CTNNA3: variants seen among roughly 807,000 people sequenced by gnomAD.
The protein encoded by CTNNA3 is catenin alpha-3.
Under a neutral mutation model 95.7 loss-of-function variants are expected in CTNNA3, and 76 were observed. That is an observed-to-expected ratio of 0.79 (90% CI 0.66 to 0.96). The LOEUF (loss-of-function observed/expected upper bound fraction) is 0.96, where lower values mean the gene tolerates loss of function less well. Among genes scored for constraint, CTNNA3 ranks in the 40% least tolerant of loss-of-function variants. The pLI is 0.00. For synonymous variants in CTNNA3, 431 were observed against 374.4 expected, an observed-to-expected ratio of 1.15 and a Z score of -1.74; for missense variants, 1,191 against 1,089.8, an observed-to-expected ratio of 1.09 and a Z score of -1.31.
At chr10:67,331,401 A>G (rs1331561439) in intron 5 of CTNNA3, among the ~76,000 whole-genome samples, 2 of 152,212 alleles carry the variant, frequency 1.3e-5, no homozygotes, top group African/African-American at 2.4e-5. Context: ...ACAGGGAATT[A>G]TCACAAAGAC....
chr10:66,572,047 T>C (rs1842881730), intron 10 of CTNNA3, among the ~76,000 whole-genome samples: 1 of 150,528 alleles, frequency 6.6e-6, no homozygotes, highest in African/African-American at 2.4e-5. Flanking sequence ...GGACATCTTT[T>C]CATTATGCTA....
chr10:67,311,864 T>A (rs1160979161), intron 5 of CTNNA3, among the ~76,000 whole-genome samples: 1 of 152,008 alleles, frequency 6.6e-6, no homozygotes, highest in Non-Finnish European at 1.5e-5. Flanking sequence ...TTTTTTCAAT[T>A]CATTTCCCCT....
intron 10 of CTNNA3, among the ~76,000 whole-genome samples, chr10:66,568,093 A>C (rs2132155704): frequency 6.6e-6 from 1 of 152,324 alleles, no homozygotes; most frequent in South Asian, 2.1e-4. Context: ...ATCAAGAAAA[A>C]GCAGGTAGTA....
At chr10:66,588,952 T>C (rs1233558355) in intron 10 of CTNNA3, among the ~76,000 whole-genome samples, 1 of 152,100 alleles carries the variant, frequency 6.6e-6, no homozygotes, top group Non-Finnish European at 1.5e-5. Context: ...AAAGTGCCTT[T>C]GGTTATAAAA....
intron 5 of CTNNA3, among the ~76,000 whole-genome samples, chr10:67,411,178 T>C (rs1019668095): frequency 6.6e-6 from 1 of 152,010 alleles, no homozygotes; most frequent in Non-Finnish European, 1.5e-5. Flanking sequence ...TACCTTAAAT[T>C]TCCAAAGACA....
intron 7 of CTNNA3, among the ~76,000 whole-genome samples, chr10:66,803,463 T>C (rs1486756940): frequency 6.6e-6 from 1 of 152,072 alleles, no homozygotes; most frequent in Admixed American, 6.6e-5. Flanking sequence ...TGTTCAATTC[T>C]GCACTGCATA....
At chr10:67,690,187 G>A (rs567291020) in intron 1 of CTNNA3, among the ~76,000 whole-genome samples, 33 of 152,152 alleles carry the variant, frequency 2.2e-4, no homozygotes, top group Admixed American at 2.0e-3. Context: ...TGAGTGTTAC[G>A]GCTCTTAAAG....
chr10:66,670,494 C>G (rs1846621923), intron 9 of CTNNA3, among the ~76,000 whole-genome samples: 1 of 152,098 alleles, frequency 6.6e-6, no homozygotes, highest in Non-Finnish European at 1.5e-5. Context: ...CTTCCTCCAT[C>G]TTAAAGGCAG....
chr10:66,453,445 A>G (rs1018092696), intron 11 of CTNNA3, among the ~76,000 whole-genome samples: 1 of 152,218 alleles, frequency 6.6e-6, no homozygotes, highest in African/African-American at 2.4e-5. Context: ...CAGGTAACTA[A>G]AGCCCCAGCT....
intron 5 of CTNNA3, among the ~76,000 whole-genome samples, chr10:67,483,612 G>C (rs1848327861): frequency 6.6e-6 from 1 of 151,224 alleles, no homozygotes; most frequent in African/African-American, 2.4e-5. Context: ...CTGTTGTGGG[G>C]TGGCGGGAGG....
intron 7 of CTNNA3, among the ~76,000 whole-genome samples, chr10:66,955,568 T>G (rs996107384): frequency 2.0e-5 from 3 of 152,158 alleles, no homozygotes; most frequent in Admixed American, 1.3e-4. Flanking sequence ...TCATTGCCTC[T>G]CATAACAGCT....
intron 15 of CTNNA3, among the ~76,000 whole-genome samples, chr10:66,053,554 C>A (rs1352916687): frequency 6.6e-6 from 1 of 151,904 alleles, no homozygotes; most frequent in Non-Finnish European, 1.5e-5. Context: ...ACTATAGTCA[C>A]CCTATTGTGC....
intron 7 of CTNNA3, among the ~76,000 whole-genome samples, chr10:67,047,732 C>CATTAA (rs1262777561): frequency 3.3e-5 from 5 of 152,116 alleles, no homozygotes; most frequent in East Asian, 3.9e-4. Context: ...AAAGCTATTA[C>CATTAA]ATTAAATTAA....
intron 10 of CTNNA3, among the ~76,000 whole-genome samples, chr10:66,561,232 C>T (rs972146770): frequency 3.9e-5 from 6 of 151,968 alleles, no homozygotes; most frequent in Non-Finnish European, 1.5e-5. Flanking sequence ...TATCAATGTA[C>T]TTCATCTTTA....
At chr10:67,072,999 A>T (rs1276712588) in intron 7 of CTNNA3, among the ~76,000 whole-genome samples, 1 of 152,146 alleles carries the variant, frequency 6.6e-6, no homozygotes, top group African/African-American at 2.4e-5. Flanking sequence ...TATCACTAAA[A>T]GTTTTGCTAA....
intron 5 of CTNNA3, among the ~76,000 whole-genome samples, chr10:67,289,777 T>C (rs191582284): frequency 1.8e-3 from 255 of 139,266 alleles, no homozygotes; most frequent in South Asian, 2.5e-3. Flanking sequence ...GATGGATGGA[T>C]GGACGGATGG....
At chr10:67,698,242 A>AG (rs1841003944), upstream of CTNNA3, among the ~76,000 whole-genome samples, 1 of 136,018 alleles carries the variant, frequency 7.4e-6, no homozygotes, top group Non-Finnish European at 1.6e-5. Flanking sequence ...GAGCTGGGGA[A>AG]AAAAAAAAGA....
At chr10:66,795,461 G>A (rs117951257) in intron 7 of CTNNA3, among the ~76,000 whole-genome samples, 8 of 152,166 alleles carry the variant, frequency 5.3e-5, no homozygotes, top group East Asian at 1.9e-4. Context: ...TTCAGTAAAC[G>A]GCAACATAAA....
chr10:66,032,281 T>C (rs953741077), intron 15 of CTNNA3, among the ~76,000 whole-genome samples: 1 of 152,198 alleles, frequency 6.6e-6, no homozygotes, highest in South Asian at 2.1e-4. Flanking sequence ...ACAAACATTG[T>C]TTTTCTTTTG....
Sources: gnomAD v4.1 joint callset for allele counts (sites outside exome capture counted in the v4.1 genomes callset) on GRCh38, gnomAD v4.1.1 for gene constraint, MANE v1.5 for transcripts, NCBI Gene and HGNC (gene_info 2026-07-23, HGNC 2026-07-21) for gene names.